Variants in DPP6 observed in about 807,000 individuals in gnomAD.
The protein encoded by DPP6 is A-type potassium channel modulatory protein DPP6.
DPP6 carries 69 observed loss-of-function variants against 122.6 expected under a neutral mutation model. The ratio of observed to expected loss-of-function variants is 0.56; its 90% CI spans 0.46 to 0.69. The LOEUF (loss-of-function observed/expected upper bound fraction) is 0.69. Among genes scored for constraint, DPP6 ranks in the 30% least tolerant of loss-of-function variants. DPP6 has a pLI of 0.00. For synonymous variants in DPP6, 418 were observed against 433.1 expected (o/e 0.97, Z 0.43); for missense variants, 928 against 1,116.9 (o/e 0.83, Z 2.41).
chr7:154,481,204 T>C lies in DPP6; in HGVS notation c.457+6167T>C, dbSNP rs1453879913. 6.6e-6 allele frequency among the ~76,000 whole-genome samples: 1 copy of C among 152,148 alleles called. No homozygotes were observed. Among genetic ancestry groups the C allele is most frequent in the African/African-American group, 2.4e-5 (1 of 41,422 alleles). On this transcript the variant is annotated intron_variant, in intron 3 of 25. Coordinates refer to ENST00000377770, the MANE Select transcript of DPP6 (RefSeq NM_130797.4). The surrounding 1 kb of genome is among the most constrained non-coding windows in gnomAD (Gnocchi z 4.2). ...ACTTTAAAAGTCTGAATTCCTCAAG[T>C]TTCTCACTTATCCTCACTTTGTACT...
intron 6 of DPP6, among the ~76,000 whole-genome samples, chr7:154,659,640 C>T (rs577575899): frequency 1.3e-5 from 2 of 152,316 alleles, no homozygotes; most frequent in South Asian, 4.1e-4. Flanking sequence ...AAGCCCTTTG[C>T]TTCTAGTGGC....
At chr7:154,487,598 T>C (rs1823908306) in intron 3 of DPP6, among the ~76,000 whole-genome samples, 1 of 152,190 alleles carries the variant, frequency 6.6e-6, no homozygotes, top group South Asian at 2.1e-4. Flanking sequence ...CAATGCACTG[T>C]AGCTGTTTGG....
intron 6 of DPP6, among the ~76,000 whole-genome samples, chr7:154,656,289 TC>T (rs1346759205): frequency 0.38 from 1,307 of 3,448 alleles, 616 homozygotes; most frequent in Middle Eastern, 0.75. Context: ...GAGAGGGAGG[TC>T]GGGGGAGAGC....
At chr7:154,285,456 G>T (rs1032326362) in intron 1 of DPP6, among the ~76,000 whole-genome samples, 1 of 152,112 alleles carries the variant, frequency 6.6e-6, no homozygotes, top group Non-Finnish European at 1.5e-5. Flanking sequence ...GTAGAGACGG[G>T]GTTTCACCGT....
intron 1 of DPP6, among the ~76,000 whole-genome samples, chr7:153,897,529 C>A (rs924892544): frequency 6.6e-6 from 1 of 152,178 alleles, no homozygotes; most frequent in African/African-American, 2.4e-5. Flanking sequence ...TAGCTTGAAG[C>A]CTTTTAACTA....
the DPP6 span, among the ~76,000 whole-genome samples, chr7:153,881,180 A>C: frequency 6.6e-6 from 1 of 152,234 alleles, no homozygotes; most frequent in Non-Finnish European, 1.5e-5. Flanking sequence ...GTGTGAAAGT[A>C]GGAGGACTCA....
At chr7:153,766,392 C>A in the DPP6 span, among the ~76,000 whole-genome samples, 3 of 152,170 alleles carry the variant, frequency 2.0e-5, no homozygotes, top group Admixed American at 6.5e-5. Flanking sequence ...CCAATACCAA[C>A]GTTCTATTTC....
the DPP6 span, among the ~76,000 whole-genome samples, chr7:153,803,173 C>G: frequency 6.7e-6 from 1 of 149,664 alleles, no homozygotes; most frequent in Non-Finnish European, 1.5e-5. Context: ...TGTTCTTCTA[C>G]GATGCCAGCA....
chr7:154,454,143 A>C (rs1487990713), intron 2 of DPP6, among the ~76,000 whole-genome samples: 2 of 152,092 alleles, frequency 1.3e-5, no homozygotes, highest in Non-Finnish European at 2.9e-5. Context: ...GGCCCAACCC[A>C]TTTCATCATG....
chr7:153,902,638 C>A (rs1799685222), intron 1 of DPP6, among the ~76,000 whole-genome samples: 2 of 152,152 alleles, frequency 1.3e-5, no homozygotes, highest in East Asian at 1.9e-4. Context: ...AGTTCGAGAC[C>A]AGCCTGGCCA....
chr7:154,389,239 C>T (rs1449593398), intron 1 of DPP6, among the ~76,000 whole-genome samples: 1 of 152,152 alleles, frequency 6.6e-6, no homozygotes, highest in Non-Finnish European at 1.5e-5. Context: ...AAGTCACAGG[C>T]GATGTCGGCC....
At chr7:154,860,309 A>G (rs1803270421) in intron 17 of DPP6, among the ~76,000 whole-genome samples, 1 of 152,170 alleles carries the variant, frequency 6.6e-6, no homozygotes, top group Non-Finnish European at 1.5e-5. Flanking sequence ...GGCATTCCAG[A>G]GGGCCCACAT....
At chr7:154,443,602 G>A (rs1819588163) in intron 1 of DPP6, among the ~76,000 whole-genome samples, 1 of 149,558 alleles carries the variant, frequency 6.7e-6, no homozygotes, top group South Asian at 2.1e-4. Context: ...GGATGGATGG[G>A]TGAATGGATG....
At chr7:154,382,305 C>T (rs754027617) in intron 1 of DPP6, among the ~76,000 whole-genome samples, 1 of 152,116 alleles carries the variant, frequency 6.6e-6, no homozygotes, top group Non-Finnish European at 1.5e-5. Flanking sequence ...CTGCTTCAGC[C>T]TCCCAAGTAG....
chr7:154,219,733 CT>C (rs1375864055), intron 1 of DPP6, among the ~76,000 whole-genome samples: 2 of 152,046 alleles, frequency 1.3e-5, no homozygotes, highest in Non-Finnish European at 2.9e-5. Flanking sequence ...TTACAGGTGC[CT>C]GCCACCACAC....
At chr7:153,749,158 T>G in the DPP6 span, among the ~76,000 whole-genome samples, 145 of 152,240 alleles carry the variant, frequency 9.5e-4, no homozygotes, top group African/African-American at 3.4e-3. This position sits in a 1 kb window ranked among gnomAD's most constrained non-coding sequence, Gnocchi z 4.1. Context: ...GGTCGGTGAC[T>G]GAGGATGGTT....
At chr7:153,993,109 C>G (rs542408632) in intron 1 of DPP6, among the ~76,000 whole-genome samples, 1 of 152,230 alleles carries the variant, frequency 6.6e-6, no homozygotes, top group African/African-American at 2.4e-5. Context: ...TCCTGCTTCA[C>G]GGCAGCAGTC....
Position 154,154,271 on chromosome 7 carries a change from C to G in DPP6, c.243+101208C>G, listed in dbSNP as rs144035624. On this transcript the variant is annotated intron_variant, in intron 1 of 25. Transcript: ENST00000377770. Reference sequence around the variant, plus strand: ...ATCGTTTTGAACTGAGAACCAGGGCCATTCCTCTGACTGTAAAGCTTTGTA... The same window carrying G: ...ATCGTTTTGAACTGAGAACCAGGGCGATTCCTCTGACTGTAAAGCTTTGTA... 6.5e-3 allele frequency among the ~76,000 whole-genome samples: 985 copies of G among 152,312 alleles called. 1 individual carries two copies. Among genetic ancestry groups the G allele is most frequent in the African/African-American group, 0.021 (866 of 41,572 alleles).
At chr7:154,559,848 T>C (rs1319034516) in intron 4 of DPP6, among the ~76,000 whole-genome samples, 1 of 151,108 alleles carries the variant, frequency 6.6e-6, no homozygotes, top group Non-Finnish European at 1.5e-5. Flanking sequence ...ATGGCTGCAG[T>C]CAGCTATGAT....
Sources: gnomAD v4.1 joint callset for allele counts (sites outside exome capture counted in the v4.1 genomes callset) on GRCh38, gnomAD v4.1.1 for gene constraint, Gnocchi (gnomAD v3.1) non-coding constraint, MANE v1.5 for transcripts, NCBI Gene and HGNC (gene_info 2026-07-23, HGNC 2026-07-21) for gene names.